ATPSCKMT: variants seen among roughly 807,000 people sequenced by gnomAD.
ATPSCKMT encodes the protein ATP synthase c subunit lysine N-methyltransferase.
ATPSCKMT carries 24 observed loss-of-function variants against 24.3 expected under a neutral mutation model. The observed-to-expected ratio is 0.99, with a 90% confidence interval of 0.71 to 1.39. The LOEUF (loss-of-function observed/expected upper bound fraction) is 1.39, where lower values mean the gene tolerates loss of function less well. Among genes scored for constraint, ATPSCKMT ranks in the 40% most tolerant of loss-of-function variants. The probability of loss-of-function intolerance (pLI) is 0.00; values close to 1 mark genes in which losing one functional copy is unlikely to be tolerated. For synonymous variants in ATPSCKMT, 95 were observed against 110.5 expected (o/e 0.86, Z 0.88); for missense variants, 311 against 298.4 (o/e 1.04, Z -0.31).
rs879913264 is a variant in ATPSCKMT at position 10,225,719 on chromosome 5, G to A, written c.*1722C>T. ...TCCCACCAGGTCCTTCCCACAACAC[G>A]TGGGAATTCAAGATGAGATTTGGGT... On this transcript the variant is annotated 3_prime_UTR_variant, in exon 5 of 5. Transcript: ENST00000511437. 2.6e-5 allele frequency among the ~76,000 whole-genome samples: 4 copies of A among 152,022 alleles called. No individual in the cohort carries two copies. Among genetic ancestry groups the A allele is most frequent in the African/African-American group, 4.8e-5 (2 of 41,392 alleles).
intron 1 of ATPSCKMT, among the ~76,000 whole-genome samples, chr5:10,244,994 G>A (rs1744833862): frequency 6.6e-6 from 1 of 151,998 alleles, no homozygotes; most frequent in African/African-American, 2.4e-5. Flanking sequence ...CATTCCAGTT[G>A]TACAGTACAG....
chr5:10,241,494 C>A (rs187358988), intron 1 of ATPSCKMT, among the ~76,000 whole-genome samples: 1 of 152,174 alleles, frequency 6.6e-6, no homozygotes, highest in Admixed American at 6.5e-5. Flanking sequence ...CCCCACTCAG[C>A]GCAGCTTTGT....
At chr5:10,232,758 G>A (rs547881835) in intron 4 of ATPSCKMT, among the ~76,000 whole-genome samples, 2 of 152,298 alleles carry the variant, frequency 1.3e-5, no homozygotes, top group East Asian at 1.9e-4. Flanking sequence ...ATGGCCCAGG[G>A]GAGGCTGGAG....
At chr5:10,245,606 G>C (rs1744880303) in intron 1 of ATPSCKMT, among the ~76,000 whole-genome samples, 1 of 151,906 alleles carries the variant, frequency 6.6e-6, no homozygotes, top group African/African-American at 2.4e-5. Flanking sequence ...AATTAGCCAG[G>C]CCTGGTGGTG....
intron 4 of ATPSCKMT, among the ~76,000 whole-genome samples, chr5:10,234,137 G>T (rs1310301183): frequency 6.6e-6 from 1 of 152,156 alleles, no homozygotes; most frequent in African/African-American, 2.4e-5. Context: ...AGACCAGCCT[G>T]GCCAACATGG....
At chr5:10,232,344 T>C (rs959586413) in intron 4 of ATPSCKMT, among the ~76,000 whole-genome samples, 3 of 152,248 alleles carry the variant, frequency 2.0e-5, no homozygotes, top group Non-Finnish European at 4.4e-5. Context: ...AACAACCGTT[T>C]ACTGAGTGAT....
Position 10,236,485 on chromosome 5 carries a change from A to G in ATPSCKMT, c.437T>C (p.Leu146Ser), listed in dbSNP as rs762069218. 11 of 1,613,984 alleles carry G rather than the reference A, an allele frequency of 6.8e-6. No individual in the cohort carries two copies. The Admixed American group carries it at 1.0e-4, about 15-fold the overall frequency. Reference sequence around the variant, plus strand: ...ATTCTCTGCCTTACATACCTTCCACAAATCTGAAATATAAAATTTGGCAGA... The same window carrying G: ...ATTCTCTGCCTTACATACCTTCCACGAATCTGAAATATAAAATTTGGCAGA... ...HGSAKFYISD[L>S]WKVTFSQYSN... Residue 146 changes from leucine (L) to serine (S), a missense_variant, in exon 3 of 5, where the codon TTG becomes TCG. Leu to Ser is a moderately radical substitution (Grantham distance 145). Coordinates refer to ENST00000511437, the MANE Select transcript of ATPSCKMT (RefSeq NM_199133.4).
chr5:10,239,503 A>G, intron 1 of ATPSCKMT, 147 bp from the exon 2 acceptor site: 1 of 679,036 alleles, frequency 1.5e-6, no homozygotes, highest in Non-Finnish European at 2.5e-6. Flanking sequence ...CAACTGTAGG[A>G]TCCCACAATT....
chr5:10,236,000 G>A (rs1440345877), intron 3 of ATPSCKMT: 1 of 152,748 alleles, frequency 6.5e-6, no homozygotes, highest in African/African-American at 2.4e-5. Context: ...GGCATTTTTA[G>A]AGTTTTTAGA....
chr5:10,239,451 A>C, intron 1 of ATPSCKMT, 95 bp from the exon 2 acceptor site: 50 of 1,108,456 alleles, frequency 4.5e-5, no homozygotes, highest in Middle Eastern at 2.3e-4. Flanking sequence ...AAACAAACTC[A>C]TGCTTTTTAA....
intron 4 of ATPSCKMT, among the ~76,000 whole-genome samples, chr5:10,232,145 T>C (rs1744167906): frequency 6.6e-6 from 1 of 151,920 alleles, no homozygotes; most frequent in Admixed American, 6.6e-5. Context: ...GGGGCTGCAG[T>C]GAGCCAAGAT....
chr5:10,231,325 G>A (rs1017353039), intron 4 of ATPSCKMT, among the ~76,000 whole-genome samples: 3 of 152,002 alleles, frequency 2.0e-5, no homozygotes, highest in Non-Finnish European at 4.4e-5. Flanking sequence ...GCTACTCCGT[G>A]GCCTGGACAC....
At chr5:10,230,556 T>C (rs1299874508) in intron 4 of ATPSCKMT, among the ~76,000 whole-genome samples, 1 of 152,214 alleles carries the variant, frequency 6.6e-6, no homozygotes, top group Non-Finnish European at 1.5e-5. Flanking sequence ...ATCTGGTGCT[T>C]GATATCATAC....
chr5:10,238,589 A>G (rs1227504622), intron 2 of ATPSCKMT, among the ~76,000 whole-genome samples: 1 of 152,232 alleles, frequency 6.6e-6, no homozygotes, highest in African/African-American at 2.4e-5. Flanking sequence ...GTCAAGTGAG[A>G]GAAGTTCATA....
intron 1 of ATPSCKMT, among the ~76,000 whole-genome samples, chr5:10,241,404 C>G (rs966895057): frequency 6.6e-6 from 1 of 152,194 alleles, no homozygotes; most frequent in Non-Finnish European, 1.5e-5. Context: ...TAGTGCAGTA[C>G]AAATTTGAAC....
intron 4 of ATPSCKMT, among the ~76,000 whole-genome samples, chr5:10,231,322 C>T (rs754354677): frequency 6.6e-6 from 1 of 152,136 alleles, no homozygotes; most frequent in Admixed American, 6.5e-5. Flanking sequence ...CCAGCTACTC[C>T]GTGGCCTGGA....
chr5:10,232,415 C>A (rs79634179), intron 4 of ATPSCKMT, among the ~76,000 whole-genome samples: 5,335 of 152,292 alleles, frequency 0.035, 139 homozygotes, highest in African/African-American at 0.071. Flanking sequence ...AGGCCTGGTC[C>A]CTGCCCCTGA....
rs1743932434 is a variant in ATPSCKMT, at chr5:10,227,479, A to G, written c.664T>C (p.Cys222Arg). Residue 222 changes from cysteine to arginine, a missense_variant, in exon 5 of 5, where the codon TGT (cysteine) becomes CGT (arginine). Physicochemically the swap from Cys to Arg is radical, Grantham distance 180. Coordinates refer to ENST00000511437, the MANE Select transcript of ATPSCKMT (RefSeq NM_199133.4). ...GGCAGCTGGAAATGCATCGATGTACAGGGCCTCTTTTCACGGCCTCTAAAA... is the reference window on the plus strand; with the variant it reads ...GGCAGCTGGAAATGCATCGATGTACGGGGCCTCTTTTCACGGCCTCTAAAA... The part of the protein sequence containing the change: ...STFRGREKRP[C>R]TSMHFQLPIQ... 3 of 1,614,238 alleles carry G rather than the reference A, an allele frequency of 1.9e-6. No homozygotes were observed. The African/African-American group carries it at 4.0e-5, about 22-fold the overall frequency.
intron 4 of ATPSCKMT, among the ~76,000 whole-genome samples, chr5:10,234,659 A>T (rs564111051): frequency 3.0e-4 from 45 of 152,352 alleles, no homozygotes; most frequent in African/African-American, 1.0e-3. Context: ...TCCCACCATG[A>T]CCATCCTTCC....
Sources: allele counts gnomAD v4.1 joint callset (sites outside exome capture counted in the v4.1 genomes callset), GRCh38; gene constraint gnomAD v4.1.1; transcripts MANE v1.5; gene names NCBI Gene and HGNC (gene_info 2026-07-23, HGNC 2026-07-21).